The following PKHD1 variants were observed in gnomAD, a reference collection of about 807,000 sequenced individuals.
PKHD1 encodes PKHD1 ciliary IPT domain containing fibrocystin/polyductin, also known as fibrocystin.
A neutral mutation model predicts 412.0 loss-of-function variants in PKHD1; 291 were observed. The observed-to-expected ratio is 0.71, with a 90% CI of 0.64 to 0.78. The LOEUF is 0.78. PKHD1 is among the 30% of genes least tolerant of loss of function. PKHD1 has a pLI of 0.00. For synonymous variants in PKHD1, 1,777 were observed against 1,821.5 expected (o/e 0.98, Z 0.62); for missense variants, 4,825 against 4,950.7 (o/e 0.97, Z 0.76).
chr6:51,788,601 A>G (rs1261080704), intron 53 of PKHD1, among the ~76,000 whole-genome samples: 1 of 152,042 alleles, frequency 6.6e-6, no homozygotes, highest in East Asian at 1.9e-4. Flanking sequence ...GGATGGTCTG[A>G]CAACCATCTC....
intron 36 of PKHD1, among the ~76,000 whole-genome samples, chr6:51,957,676 G>C (rs1305467456): frequency 6.6e-6 from 1 of 152,068 alleles, no homozygotes; most frequent in Non-Finnish European, 1.5e-5. Context: ...TTTTTGGTCT[G>C]AGCCACTGGA....
chr6:51,729,112 G>C (rs1782940798), intron 60 of PKHD1, among the ~76,000 whole-genome samples: 1 of 152,210 alleles, frequency 6.6e-6, no homozygotes, highest in South Asian at 2.1e-4. Context: ...AAAGGGAAGA[G>C]ATTATTATTC....
intron 43 of PKHD1, among the ~76,000 whole-genome samples, chr6:51,902,027 G>A (rs1343543338): frequency 6.6e-6 from 1 of 152,108 alleles, no homozygotes; most frequent in Non-Finnish European, 1.5e-5. Context: ...CCTTCTTCTT[G>A]TCAGCCAGTG....
At chr6:51,767,995 T>C (rs1378709160) in intron 55 of PKHD1, among the ~76,000 whole-genome samples, 2 of 152,100 alleles carry the variant, frequency 1.3e-5, no homozygotes, top group Non-Finnish European at 2.9e-5. Flanking sequence ...CCTGACTTTT[T>C]AATGATCGCC....
chr6:51,896,330 C>G, intron 43 of PKHD1, among the ~76,000 whole-genome samples: 1 of 152,068 alleles, frequency 6.6e-6, no homozygotes, highest in East Asian at 1.9e-4. Flanking sequence ...AACGGGCAGA[C>G]TGCCTCCTCA....
At chr6:51,813,703 G>A (rs1273088537) in intron 52 of PKHD1, among the ~76,000 whole-genome samples, 2 of 152,160 alleles carry the variant, frequency 1.3e-5, no homozygotes. Flanking sequence ...GCTTGACTGT[G>A]ATGGGAGATT....
At chr6:52,048,442 G>C in intron 23 of PKHD1, 50 bp downstream of exon 23, 1 of 1,573,842 alleles carries the variant, frequency 6.4e-7, no homozygotes, top group Non-Finnish European at 8.7e-7. Context: ...TTGGGAATGT[G>C]AGTGAGAATA....
At chr6:51,648,459 A>G (rs1299533669) in intron 62 of PKHD1, among the ~76,000 whole-genome samples, 1 of 152,198 alleles carries the variant, frequency 6.6e-6, no homozygotes, top group African/African-American at 2.4e-5. Flanking sequence ...GGTGAGTGCC[A>G]GACCACATCA....
intron 36 of PKHD1, among the ~76,000 whole-genome samples, chr6:51,950,573 T>C (rs1790216107): frequency 1.3e-5 from 2 of 152,170 alleles, no homozygotes; most frequent in African/African-American, 4.8e-5. Context: ...CTGGGCCTCA[T>C]TCCCAGAGTA....
rs765214715 is a variant in PKHD1 at position 51,659,355 on chromosome 6, C to A, written c.10771G>T (p.Gly3591Cys). 6.2e-7 allele frequency: 1 copy of A among 1,613,790 alleles called. No homozygotes were observed. Residue 3591 changes from glycine to cysteine, a missense_variant, in exon 61 of 67, where the codon GGC becomes TGC. By Grantham distance (159) the Gly-to-Cys change is radical. Coordinates refer to ENST00000371117, the MANE Select transcript of PKHD1 (RefSeq NM_138694.4). Reference sequence around the variant, plus strand: ...TGAATAAACCTGATTTGGTTTTGGCCAATCTGTAAGAAGTTAGTTAGTCTT... The same window carrying A: ...TGAATAAACCTGATTTGGTTTTGGCAAATCTGTAAGAAGTTAGTTAGTCTT... ...LERLTNFLQI[G>C]QNQIRFIHEM... is the part of the protein sequence containing the mutation.
chr6:51,739,336 T>C (rs1053283419), intron 60 of PKHD1, among the ~76,000 whole-genome samples: 2 of 152,030 alleles, frequency 1.3e-5, no homozygotes, highest in Admixed American at 6.6e-5. Context: ...GTTCAAGCGA[T>C]TTTCATCCCT....
At chr6:51,960,673 T>C (rs947285892) in intron 35 of PKHD1, among the ~76,000 whole-genome samples, 1 of 152,118 alleles carries the variant, frequency 6.6e-6, no homozygotes, top group Admixed American at 6.6e-5. Context: ...ACAAAGCCCA[T>C]GCAGGCATAG....
In PKHD1 at chr6:51,855,194, A is replaced by G. The variant is rs962076293; in HGVS notation, c.7911+699T>C. 4.0e-5 allele frequency among the ~76,000 whole-genome samples: 6 copies of G among 151,634 alleles called. No individual in the cohort carries two copies. The East Asian group carries it at 9.7e-4, about 25-fold the overall frequency. On this transcript the variant is annotated intron_variant, in intron 49 of 66. Coordinates refer to ENST00000371117, the MANE Select transcript of PKHD1 (RefSeq NM_138694.4). ...TCCCCGTGTGGCTCTCAGGTGGGCC[A>G]CCGCACCACACTGCTCTTCCTTCTC...
chr6:52,028,060 A>G (rs1802487459), intron 30 of PKHD1, 96 bp downstream of exon 30: 1 of 1,348,012 alleles, frequency 7.4e-7, no homozygotes, highest in Admixed American at 1.7e-5. Flanking sequence ...TCTAACTTCC[A>G]AGGGAAAAAG....
intron 36 of PKHD1, among the ~76,000 whole-genome samples, chr6:51,957,800 T>C (rs1369170062): frequency 6.6e-6 from 1 of 151,978 alleles, no homozygotes; most frequent in African/African-American, 2.4e-5. Context: ...GCCCTTCACC[T>C]CCTCTCCGCT....
chr6:51,862,403 T>C (rs1187608183), intron 48 of PKHD1, among the ~76,000 whole-genome samples: 1 of 152,190 alleles, frequency 6.6e-6, no homozygotes, highest in African/African-American at 2.4e-5. Flanking sequence ...TTTTCTACTT[T>C]AATTCTGTAA....
At chr6:51,804,221 C>T (rs1763362871) in intron 52 of PKHD1, among the ~76,000 whole-genome samples, 1 of 151,108 alleles carries the variant, frequency 6.6e-6, no homozygotes, top group South Asian at 2.1e-4. Context: ...CAGAATCCCA[C>T]TGATGCCCAA....
chr6:51,620,114 C>T (rs1251330851), intron 66 of PKHD1, among the ~76,000 whole-genome samples: 1 of 152,206 alleles, frequency 6.6e-6, no homozygotes, highest in Non-Finnish European at 1.5e-5. Context: ...CCTTCTCCTG[C>T]TATCTGGCTT....
intron 35 of PKHD1, among the ~76,000 whole-genome samples, chr6:52,002,649 A>G (rs1798575061): frequency 6.6e-6 from 1 of 152,120 alleles, no homozygotes; most frequent in Non-Finnish European, 1.5e-5. Context: ...GAAGATGCAC[A>G]CTAAGTGGGT....
Sources: allele counts gnomAD v4.1 joint callset (sites outside exome capture counted in the v4.1 genomes callset), GRCh38; gene constraint gnomAD v4.1.1; transcripts MANE v1.5; gene names NCBI Gene and HGNC (gene_info 2026-07-23, HGNC 2026-07-21).